ZC3H6: variants seen among roughly 807,000 people sequenced by gnomAD.
The protein encoded by ZC3H6 is zinc finger CCCH-type containing 6.
Under a neutral mutation model 107.7 loss-of-function variants are expected in ZC3H6, and 40 were observed. The ratio of observed to expected loss-of-function variants is 0.37; its 90% CI spans 0.29 to 0.48. ZC3H6 has a LOEUF of 0.48. Among genes scored for constraint, ZC3H6 ranks in the 20% least tolerant of loss-of-function variants. The probability of loss-of-function intolerance (pLI) is 0.98; values close to 1 mark genes in which losing one functional copy is unlikely to be tolerated. For synonymous variants in ZC3H6, 493 were observed against 487.9 expected (o/e 1.01, Z -0.14); for missense variants, 1,267 against 1,410.4 (o/e 0.90, Z 1.63).
chr2:112,283,551 C>CA (rs968550734), intron 1 of ZC3H6, among the ~76,000 whole-genome samples: 1 of 152,204 alleles, frequency 6.6e-6, no homozygotes, highest in African/African-American at 2.4e-5. Context: ...TTGGAACACT[C>CA]ATGATACTCA....
intron 3 of ZC3H6, among the ~76,000 whole-genome samples, chr2:112,304,488 C>T (rs1453261070): frequency 6.6e-6 from 1 of 152,138 alleles, no homozygotes; most frequent in Non-Finnish European, 1.5e-5. Context: ...GCCTCCTTCT[C>T]ACTGCTTTGT....
intron 2 of ZC3H6, among the ~76,000 whole-genome samples, chr2:112,301,815 A>C (rs1676384576): frequency 6.6e-6 from 1 of 152,078 alleles, no homozygotes; most frequent in African/African-American, 2.4e-5. Context: ...ATAGTTTTTT[A>C]AAAAAGATCA....
Position 112,332,013 on chromosome 2 carries a change from C to T in ZC3H6, c.3095C>T (p.Ala1032Val). ...PPYAPKLSSS[A>V]GLPLGTSTSV... ...TATGCCCCTAAACTCTCTTCCTCAG[C>T]TGGCCTTCCACTGGGAACTTCCACT... Residue 1032 changes from alanine to valine, a missense_variant, in exon 12 of 12, where the codon GCT (alanine) becomes GTT (valine). This residue lies in a region of ZC3H6 where 925 missense variants were observed against 1,025.7 expected (regional missense o/e 0.90). Transcript: ENST00000409871. 1.2e-6 allele frequency: 2 copies of T among 1,614,040 alleles called. No individual in the cohort carries two copies. The highest frequency in any genetic ancestry group is 1.7e-6 in the Non-Finnish European group (2 of 1,179,898).
intron 1 of ZC3H6, among the ~76,000 whole-genome samples, 157 bp downstream of exon 1, chr2:112,276,183 C>T (rs1406969677): frequency 2.0e-5 from 3 of 147,164 alleles, no homozygotes; most frequent in Non-Finnish European, 3.0e-5. Context: ...TGCTGGATCG[C>T]GGCCGCGGGG....
Position 112,332,502 on chromosome 2 carries a change from G to A in ZC3H6, c.*14G>A, listed in dbSNP as rs778525203. ...CCATTTTGTTAGCTATTGTGTAACT[G>A]AGCAATTCTTTTCACTCTTGTGACT... On this transcript the variant is annotated 3_prime_UTR_variant, in exon 12 of 12. Coordinates refer to ENST00000409871, the MANE Select transcript of ZC3H6 (RefSeq NM_198581.3). The A allele has an allele frequency of 7.6e-6, 12 of 1,586,876 alleles. No individual in the cohort carries two copies. The Admixed American group carries it at 1.9e-4, about 26-fold the overall frequency.
Sources: allele counts gnomAD v4.1 joint callset (sites outside exome capture counted in the v4.1 genomes callset), GRCh38; gene constraint gnomAD v4.1.1; regional missense constraint gnomAD v4.1.1; transcripts MANE v1.5; gene names NCBI Gene and HGNC (gene_info 2026-07-23, HGNC 2026-07-21).